The following SPOCK3 variants were observed in gnomAD, a reference collection of about 807,000 sequenced individuals.
SPOCK3 encodes the protein testican-3.
A neutral mutation model predicts 56.6 loss-of-function variants in SPOCK3; 30 were observed. That is an observed-to-expected ratio of 0.53 (90% CI 0.40 to 0.72). The LOEUF is 0.72. Among genes scored for constraint, SPOCK3 ranks in the 30% least tolerant of loss-of-function variants. The pLI, the probability that SPOCK3 is intolerant of heterozygous loss-of-function variation, is 0.00. For synonymous variants in SPOCK3, 196 were observed against 183.3 expected (o/e 1.07, Z -0.56); for missense variants, 527 against 530.0 (o/e 0.99, Z 0.06).
intron 2 of SPOCK3, among the ~76,000 whole-genome samples, chr4:167,086,690 C>T (rs1328681613): frequency 6.6e-6 from 1 of 152,034 alleles, no homozygotes. Flanking sequence ...GTATTTTTCC[C>T]TGTTTCAGAT....
intron 2 of SPOCK3, among the ~76,000 whole-genome samples, chr4:167,145,343 C>A (rs2150406185): frequency 6.6e-6 from 1 of 152,066 alleles, no homozygotes; most frequent in East Asian, 1.9e-4. Context: ...AGTGGAAGTA[C>A]CATTAAGCTG....
intron 5 of SPOCK3, among the ~76,000 whole-genome samples, chr4:166,901,067 C>T (rs1246710006): frequency 6.6e-6 from 1 of 152,072 alleles, no homozygotes; most frequent in Admixed American, 6.6e-5. Context: ...TTTTCCATTT[C>T]ACTTAACCTT....
At chr4:167,162,617 C>T (rs1765413923) in intron 2 of SPOCK3, among the ~76,000 whole-genome samples, 1 of 152,040 alleles carries the variant, frequency 6.6e-6, no homozygotes, top group Non-Finnish European at 1.5e-5. Context: ...ACATTATTAC[C>T]TATCACCTTT....
rs543744485 is a variant in SPOCK3 at position 166,889,219 on chromosome 4, A to G, written c.500T>C (p.Val167Ala). The stretch of plus-strand genomic sequence containing the variant: ...TTTGACTGAGATCTGTTTTCCTAAG[A>G]CACATGCCTGATATTCTAGTTTGCA... ...FQCKLEYQAC[V>A]LGKQISVKCE... Residue 167 changes from valine (V) to alanine (A), a missense_variant, in exon 6 of 11, where the codon GTC becomes GCC. Transcript: ENST00000357545. The G allele has an allele frequency of 6.8e-6, 11 of 1,610,864 alleles. No individual in the cohort carries two copies. The Admixed American group carries it at 1.2e-4, about 17-fold the overall frequency.
intron 4 of SPOCK3, among the ~76,000 whole-genome samples, chr4:166,969,482 G>A (rs2150071420): frequency 7.9e-6 from 1 of 127,170 alleles, no homozygotes; most frequent in Non-Finnish European, 1.7e-5. Flanking sequence ...ATGAGATCTA[G>A]TTGTTTAAAT....
At chr4:167,207,405 TA>T (rs958448631) in intron 2 of SPOCK3, among the ~76,000 whole-genome samples, 27 of 151,872 alleles carry the variant, frequency 1.8e-4, no homozygotes, top group African/African-American at 6.0e-4. Context: ...AACTTTCTAA[TA>T]AAAAAACTAA....
chr4:166,744,757 G>A (rs1348458936), intron 8 of SPOCK3, among the ~76,000 whole-genome samples: 3 of 152,108 alleles, frequency 2.0e-5, no homozygotes, highest in Non-Finnish European at 4.4e-5. Context: ...TAGACAAATG[G>A]CTAACAGGAA....
intron 2 of SPOCK3, among the ~76,000 whole-genome samples, chr4:167,175,961 C>T (rs1430455647): frequency 2.6e-5 from 4 of 152,106 alleles, no homozygotes; most frequent in African/African-American, 9.7e-5. Context: ...TTAATATCAT[C>T]TATTTCCAGA....
At chr4:166,967,749 T>A (rs1744899799) in intron 4 of SPOCK3, among the ~76,000 whole-genome samples, 2 of 152,150 alleles carry the variant, frequency 1.3e-5, no homozygotes, top group African/African-American at 4.8e-5. Flanking sequence ...CATCTGGCAG[T>A]GCTATAAAAA....
intron 9 of SPOCK3, 100 bp from the exon 10 acceptor site, chr4:166,737,704 G>T: frequency 1.6e-6 from 2 of 1,281,362 alleles, no homozygotes; most frequent in Admixed American, 2.2e-5. Context: ...ATGCATTAAA[G>T]ACTTACACAT....
At chr4:167,069,577 C>T (rs577867642) in intron 2 of SPOCK3, among the ~76,000 whole-genome samples, 2 of 151,680 alleles carry the variant, frequency 1.3e-5, no homozygotes, top group South Asian at 4.2e-4. Context: ...CCAGGCCATA[C>T]AATTAGTCAA....
chr4:167,006,555 C>G (rs1371712981), intron 3 of SPOCK3, among the ~76,000 whole-genome samples: 1 of 151,978 alleles, frequency 6.6e-6, no homozygotes, highest in African/African-American at 2.4e-5. Flanking sequence ...GTTCCATATG[C>G]AATTGCTTGG....
At chr4:167,125,969 G>C (rs1455585444) in intron 2 of SPOCK3, among the ~76,000 whole-genome samples, 1 of 152,096 alleles carries the variant, frequency 6.6e-6, no homozygotes, top group Non-Finnish European at 1.5e-5. Context: ...CTCTTCAAGA[G>C]CACAATCCAG....
intron 2 of SPOCK3, among the ~76,000 whole-genome samples, chr4:167,208,057 T>C (rs1182906543): frequency 2.0e-5 from 3 of 152,118 alleles, no homozygotes; most frequent in African/African-American, 7.2e-5. Flanking sequence ...AGACCACCCC[T>C]ACTCCCAGAT....
chr4:166,860,786 C>A (rs755655846), intron 6 of SPOCK3, among the ~76,000 whole-genome samples: 13 of 31,028 alleles, frequency 4.2e-4, no homozygotes, highest in Non-Finnish European at 7.7e-4. Context: ...CACACGTGTA[C>A]ATGCACACAC....
chr4:167,082,632 G>A (rs1348527203), intron 2 of SPOCK3, among the ~76,000 whole-genome samples: 1 of 151,838 alleles, frequency 6.6e-6, no homozygotes, highest in Non-Finnish European at 1.5e-5. Context: ...TTATTCTCAT[G>A]TCTTGGTGAG....
chr4:166,871,726 GC>G (rs1487148018), intron 6 of SPOCK3, among the ~76,000 whole-genome samples: 1 of 151,194 alleles, frequency 6.6e-6, no homozygotes, highest in African/African-American at 2.4e-5. Flanking sequence ...TAATACTAAT[GC>G]CAGATAAAGA....
intron 4 of SPOCK3, among the ~76,000 whole-genome samples, chr4:166,934,063 C>CA (rs1740093595): frequency 6.6e-6 from 1 of 151,928 alleles, no homozygotes; most frequent in Admixed American, 6.6e-5. Flanking sequence ...TCAAACTCTT[C>CA]ATAATTCTTA....
intron 9 of SPOCK3, among the ~76,000 whole-genome samples, chr4:166,740,528 T>C (rs940673714): frequency 1.9e-4 from 4 of 21,098 alleles, no homozygotes; most frequent in East Asian, 1.8e-3. Context: ...TTATTATTAT[T>C]ATCATTATTA....
Sources: allele counts gnomAD v4.1 joint callset (sites outside exome capture counted in the v4.1 genomes callset), GRCh38; gene constraint gnomAD v4.1.1; transcripts MANE v1.5; gene names NCBI Gene and HGNC (gene_info 2026-07-23, HGNC 2026-07-21).